ROBO2: variants seen among roughly 807,000 people sequenced by gnomAD.
The protein encoded by ROBO2 is roundabout homolog 2.
A neutral mutation model predicts 160.8 loss-of-function variants in ROBO2; 53 were observed. That is an observed-to-expected ratio of 0.33 (90% CI 0.26 to 0.41). ROBO2 has a LOEUF of 0.41. ROBO2 is among the 10% of genes least tolerant of loss of function. ROBO2 has a pLI of 1.00. For missense variants in ROBO2, 1,577 were observed against 1,722.4 expected, an observed-to-expected ratio of 0.92 and a Z score of 1.49; for synonymous variants, 664 against 611.7, an observed-to-expected ratio of 1.09 and a Z score of -1.26.
intron 1 of ROBO2, among the ~76,000 whole-genome samples, chr3:75,911,465 T>A (rs569726246): frequency 6.6e-6 from 1 of 152,054 alleles, no homozygotes; most frequent in South Asian, 2.1e-4. Context: ...AGGATTAGAT[T>A]GCTATTTTTA....
At position 76,612,271 on chromosome 3, in the gene ROBO2, T is replaced by C. The variant is rs980123163; in HGVS notation, c.110-485743T>C. Reference sequence around the variant, plus strand: ...GTTCTGTAAATATCCATTGGGTCCATTGGGTCTATAGCGCAGATTAAATCT... The same window carrying C: ...GTTCTGTAAATATCCATTGGGTCCACTGGGTCTATAGCGCAGATTAAATCT... On this transcript the variant is annotated intron_variant, in intron 2 of 26. Transcript: ENST00000487694. 5.9e-5 allele frequency among the ~76,000 whole-genome samples: 9 copies of C among 152,336 alleles called. No individual in the cohort carries two copies. In the South Asian group the frequency reaches 1.0e-3, roughly 18 times the overall value.
chr3:76,334,152 A>G (rs2073702945), intron 2 of ROBO2, among the ~76,000 whole-genome samples: 1 of 152,122 alleles, frequency 6.6e-6, no homozygotes. Context: ...AAAAAAATAT[A>G]TATATATACA....
chr3:77,647,124 A>G (rs978698178), exon 26 of ROBO2: 9 of 152,582 alleles, frequency 5.9e-5, no homozygotes, highest in African/African-American at 2.2e-4. Flanking sequence ...TTCCAAATAT[A>G]AACTCTATTG....
At chr3:76,447,490 C>G (rs71626804) in intron 2 of ROBO2, among the ~76,000 whole-genome samples, 123,601 of 143,542 alleles carry the variant, frequency 0.86, 53,321 homozygotes, top group East Asian at 0.96. Flanking sequence ...GTGGCGATTC[C>G]TCAGGGATCT....
At chr3:76,210,543 A>G (rs1367676394) in intron 2 of ROBO2, among the ~76,000 whole-genome samples, 2 of 152,082 alleles carry the variant, frequency 1.3e-5, no homozygotes, top group Non-Finnish European at 2.9e-5. Flanking sequence ...AATCAATACC[A>G]AATTTATTTT....
At chr3:77,272,830 A>G (rs34785004) in intron 2 of ROBO2, among the ~76,000 whole-genome samples, 8,255 of 152,174 alleles carry the variant, frequency 0.054, 364 homozygotes, top group African/African-American at 0.12. Context: ...TTGTAGTCTC[A>G]TCTTTTAGGT....
chr3:76,317,875 TG>T (rs1176536022), intron 2 of ROBO2, among the ~76,000 whole-genome samples: 2 of 152,044 alleles, frequency 1.3e-5, no homozygotes, highest in Admixed American at 1.3e-4. Flanking sequence ...ATTTTGATAA[TG>T]AAAAAAATGG....
At chr3:77,519,959 T>A (rs1244744399) in intron 5 of ROBO2, among the ~76,000 whole-genome samples, 1 of 151,490 alleles carries the variant, frequency 6.6e-6, no homozygotes, top group Non-Finnish European at 1.5e-5. Context: ...TTTGACTTTT[T>A]AATAGTAACC....
chr3:76,626,898 G>A (rs902792889), intron 2 of ROBO2, among the ~76,000 whole-genome samples: 1 of 152,088 alleles, frequency 6.6e-6, no homozygotes, highest in Non-Finnish European at 1.5e-5. Context: ...CACCATTTTC[G>A]CCAGGATGGT....
At chr3:76,322,375 T>C (rs2072636160) in intron 2 of ROBO2, among the ~76,000 whole-genome samples, 1 of 151,796 alleles carries the variant, frequency 6.6e-6, no homozygotes, top group African/African-American at 2.4e-5. Flanking sequence ...TCAGTTATCA[T>C]TTTTACAGAC....
chr3:76,412,569 G>T (rs1243674421), intron 2 of ROBO2, among the ~76,000 whole-genome samples: 3 of 152,220 alleles, frequency 2.0e-5, no homozygotes. Flanking sequence ...CCAAATGGAA[G>T]AAATTAGCCC....
chr3:76,094,939 T>C (rs192553330), intron 2 of ROBO2, among the ~76,000 whole-genome samples: 143 of 152,290 alleles, frequency 9.4e-4, no homozygotes, highest in African/African-American at 3.2e-3. Context: ...CTGACTGATA[T>C]GAAAAGTGAC....
intron 2 of ROBO2, among the ~76,000 whole-genome samples, chr3:77,175,955 G>A (rs2080111208): frequency 6.6e-6 from 1 of 151,990 alleles, no homozygotes; most frequent in South Asian, 2.1e-4. Context: ...CTAGCCAAAG[G>A]AAGTTGAAAC....
At chr3:76,165,596 T>C (rs144637296) in intron 2 of ROBO2, among the ~76,000 whole-genome samples, 66 of 152,296 alleles carry the variant, frequency 4.3e-4, no homozygotes, top group African/African-American at 1.6e-3. Flanking sequence ...ATTAGCTGTT[T>C]GGTGCGAGTA....
intron 2 of ROBO2, among the ~76,000 whole-genome samples, chr3:77,302,455 C>T (rs1195357680): frequency 1.3e-5 from 2 of 152,098 alleles, no homozygotes; most frequent in South Asian, 2.1e-4. Context: ...CTCCCATAAT[C>T]ACCCCTAAAC....
At chr3:76,403,551 A>G (rs2077968695) in intron 2 of ROBO2, among the ~76,000 whole-genome samples, 1 of 151,514 alleles carries the variant, frequency 6.6e-6, no homozygotes, top group Non-Finnish European at 1.5e-5. Context: ...TGACATCCCC[A>G]GAGGGTTCTG....
intron 2 of ROBO2, among the ~76,000 whole-genome samples, chr3:77,404,431 T>A (rs1014250987): frequency 2.0e-5 from 3 of 152,182 alleles, no homozygotes; most frequent in African/African-American, 7.2e-5. Context: ...TTATTAAACT[T>A]AGTAATCAGT....
intron 2 of ROBO2, among the ~76,000 whole-genome samples, chr3:76,649,165 A>G (rs1451702805): frequency 6.6e-6 from 1 of 152,152 alleles, no homozygotes; most frequent in African/African-American, 2.4e-5. Context: ...CTCAATTTCT[A>G]GAAAATATTT....
At chr3:77,522,562 T>C (rs1252640978) in intron 5 of ROBO2, among the ~76,000 whole-genome samples, 1 of 151,248 alleles carries the variant, frequency 6.6e-6, no homozygotes, top group Admixed American at 6.6e-5. Context: ...ATGTGAAGTA[T>C]AGGTAACTGA....
Sources: allele counts gnomAD v4.1 joint callset (sites outside exome capture counted in the v4.1 genomes callset), GRCh38; gene constraint gnomAD v4.1.1; transcripts MANE v1.5; gene names NCBI Gene and HGNC (gene_info 2026-07-23, HGNC 2026-07-21).